Variants in ZFP91 observed in about 807,000 individuals in gnomAD.
ZFP91 encodes the protein ZFP91 zinc finger protein, atypical E3 ubiquitin ligase.
ZFP91 carries 7 observed loss-of-function variants against 63.5 expected under a neutral mutation model. That is an observed-to-expected ratio of 0.11 (90% CI 0.06 to 0.21). The LOEUF (loss-of-function observed/expected upper bound fraction) is 0.21. Ranked by LOEUF, ZFP91 falls within the 10% of genes least tolerant of loss-of-function variation. The pLI is 1.00. For missense variants in ZFP91, 628 were observed against 736.6 expected, an observed-to-expected ratio of 0.85 and a Z score of 1.71; for synonymous variants, 330 against 272.1, an observed-to-expected ratio of 1.21 and a Z score of -2.10.
Position 58,618,495 on chromosome 11 carries a change from A to G in ZFP91, c.*789A>G, listed in dbSNP as rs994827036. Reference sequence around the variant, plus strand: ...GAGACGATGAGAAAAGTCCCAGGCTAATGGCAGAAATTTGCACTTTGAACA... The same window carrying G: ...GAGACGATGAGAAAAGTCCCAGGCTGATGGCAGAAATTTGCACTTTGAACA... On this transcript the variant is annotated 3_prime_UTR_variant, in exon 11 of 11. Coordinates refer to ENST00000316059, the MANE Select transcript of ZFP91 (RefSeq NM_053023.5). 1 of 371,044 alleles carries G rather than the reference A, an allele frequency of 2.7e-6. No homozygotes were observed. The highest frequency in any genetic ancestry group is 2.1e-5 in the South Asian group (1 of 47,464). The allele number at this position is 371,044 out of a possible 1,614,324, so 23.0% of individuals were successfully genotyped here.
At chr11:58,606,866 A>G (rs909204102) in intron 2 of ZFP91, among the ~76,000 whole-genome samples, 18 of 152,010 alleles carry the variant, frequency 1.2e-4, no homozygotes, top group African/African-American at 3.9e-4. Context: ...CACAAAGTTG[A>G]TTCTGACAGT....
rs1855662082 is a variant in ZFP91 at position 58,611,519 on chromosome 11, G to T, written c.723-85G>T. 6 of 1,487,396 alleles carry T rather than the reference G, an allele frequency of 4.0e-6. No individual in the cohort carries two copies. In the African/African-American group the frequency reaches 5.6e-5, roughly 14 times the overall value. The allele number at this position is 1,487,396 out of a possible 1,614,324, so 92.1% of individuals were successfully genotyped here. On this transcript the variant is annotated intron_variant, in intron 5 of 10. Coordinates refer to ENST00000316059, the MANE Select transcript of ZFP91 (RefSeq NM_053023.5). Reference sequence around the variant, plus strand: ...AGGAAGGTAGTTTTATAACAAATCAGTGATAACTCTAAGCTTTAATTTGTT... The same window carrying T: ...AGGAAGGTAGTTTTATAACAAATCATTGATAACTCTAAGCTTTAATTTGTT...
At chr11:58,611,472 G>A in intron 5 of ZFP91, 132 bp from the exon 6 acceptor site, 1 of 1,196,566 alleles carries the variant, frequency 8.4e-7, no homozygotes, top group African/African-American at 1.5e-5. Context: ...ATGATTGGTA[G>A]GAAATCACAT....
At chr11:58,614,147 G>A in intron 8 of ZFP91, 82 bp from the exon 9 acceptor site, 4 of 821,488 alleles carry the variant, frequency 4.9e-6, no homozygotes, top group Non-Finnish European at 7.5e-6. Context: ...TTTTCCTTCA[G>A]TACTTTTGAC....
In ZFP91 at chr11:58,617,098, GTA is replaced by G. The variant is rs1554959270; in HGVS notation, c.1203-96_1203-95del. The stretch of plus-strand genomic sequence containing the variant: ...TGTGTGTGTGTGTGTGTGTGTGTGT[GTA>G]TGTATATATATGCTCTAAACTCTAA... On this transcript the variant is annotated intron_variant, in intron 10 of 10. Coordinates refer to ENST00000316059, the MANE Select transcript of ZFP91 (RefSeq NM_053023.5). This position sits in a 1 kb window ranked among gnomAD's most constrained non-coding sequence, Gnocchi z 4.2. 28 of 987,178 alleles carry G rather than the reference GTA, an allele frequency of 2.8e-5. No individual in the cohort carries two copies. Among genetic ancestry groups the G allele is most frequent in the Admixed American group, 1.3e-4 (5 of 39,000 alleles). The allele number at this position is 987,178 out of a possible 1,614,324, so 61.2% of individuals were successfully genotyped here.
At chr11:58,583,328 A>G (rs1165488506) in intron 1 of ZFP91, among the ~76,000 whole-genome samples, 1 of 152,236 alleles carries the variant, frequency 6.6e-6, no homozygotes, top group African/African-American at 2.4e-5. Context: ...GTATTTTTAG[A>G]TGTCTTCCTT....
chr11:58,585,303 TC>T (rs1855187106), intron 2 of ZFP91, among the ~76,000 whole-genome samples: 1 of 152,168 alleles, frequency 6.6e-6, no homozygotes, highest in African/African-American at 2.4e-5. Context: ...TAGGTCATTT[TC>T]CTTTAAGTTT....
chr11:58,596,602 A>G (rs187376623), intron 2 of ZFP91, among the ~76,000 whole-genome samples: 5 of 151,756 alleles, frequency 3.3e-5, no homozygotes, highest in African/African-American at 1.2e-4. Context: ...CATCTTCATC[A>G]TGTCATCTTG....
intron 1 of ZFP91, among the ~76,000 whole-genome samples, chr11:58,580,071 A>ATG (rs1168708133): frequency 6.7e-6 from 1 of 149,072 alleles, no homozygotes; most frequent in African/African-American, 2.5e-5. Context: ...CAAGAGCCAG[A>ATG]TGTACTAGTG....
chr11:58,584,912 C>T (rs777546528), intron 2 of ZFP91, 28 bp downstream of exon 2: 45 of 1,479,664 alleles, frequency 3.0e-5, no homozygotes, highest in South Asian at 2.7e-4. Flanking sequence ...TTACCTCTAG[C>T]GTACATTACA....
chr11:58,593,494 T>C (rs952039633), intron 2 of ZFP91, among the ~76,000 whole-genome samples: 5 of 152,218 alleles, frequency 3.3e-5, no homozygotes, highest in Admixed American at 2.0e-4. Context: ...GTTTTTAATA[T>C]ATTTTTTAAT....
Position 58,609,933 on chromosome 11 carries a change from T to A in ZFP91, c.474T>A (p.Ser158=). Residue 158 remains serine, a synonymous_variant, in exon 3 of 11, where the codon TCT becomes TCA. Transcript: ENST00000316059. ...GGGGCTGGCGTAGTAGTAGGACATC[T>A]GTTTCTCGCCATCGTGATACAGAGA... ...PSRGWRSSRT[S]VSRHRDTENT... is the part of the protein sequence containing the mutation. The A allele has an allele frequency of 6.2e-7, 1 of 1,614,226 alleles. No homozygotes were observed. Among genetic ancestry groups the A allele is most frequent in the Non-Finnish European group, 8.5e-7 (1 of 1,180,034 alleles).
In ZFP91 at chr11:58,579,325, AC is replaced by A; in HGVS notation, c.46del (p.Gln16ArgfsTer35). 6.7e-7 allele frequency: 1 copy of A among 1,493,986 alleles called. No individual in the cohort carries two copies. The highest frequency in any genetic ancestry group is 2.3e-5 in the Admixed American group (1 of 43,254). 92.5% of individuals were successfully genotyped at this position (1,493,986 alleles called of 1,614,324 possible). On this transcript the variant is annotated frameshift_variant, in exon 1 of 11. Coordinates refer to ENST00000316059, the MANE Select transcript of ZFP91 (RefSeq NM_053023.5). LOFTEE classifies it high-confidence loss of function. ...GAGCCGAGACCCCCGGAGCAGCAGG[AC>A]CAGGAAGGGGGAGAGGCGGCCAAGG... ...TEEPRPPEQQ[D>X]QEGGEAAKAA...
At chr11:58,588,634 C>T (rs1251303097) in intron 2 of ZFP91, among the ~76,000 whole-genome samples, 2 of 152,118 alleles carry the variant, frequency 1.3e-5, no homozygotes, top group African/African-American at 2.4e-5. Context: ...GTATCCCATT[C>T]ATCTTGGCCT....
intron 2 of ZFP91, among the ~76,000 whole-genome samples, chr11:58,599,641 G>A (rs1472738598): frequency 1.3e-5 from 2 of 151,738 alleles, no homozygotes; most frequent in East Asian, 3.9e-4. Context: ...GTATATCTCT[G>A]GAGAAATAAT....
Position 58,609,890 on chromosome 11 carries a change from C to T in ZFP91, c.431C>T (p.Ala144Val). 1 of 1,614,194 alleles carries T rather than the reference C, an allele frequency of 6.2e-7. No homozygotes were observed. ...DSALPQEVSIAASRPSRGWRS... is the reference protein window; with the variant it reads ...DSALPQEVSIVASRPSRGWRS... ...GCCCTCCCTCAGGAAGTTTCCATTG[C>T]TGCATCTAGACCTAGCCGGGGCTGG... The change falls in exon 3 of 11, where the codon GCT becomes GTT. Residue 144 changes from alanine to valine, a missense_variant. Around this residue, in one of 3 missense-constraint regions of ZFP91, gnomAD observed 437 missense variants for 380.3 expected, o/e 1.15. Transcript: ENST00000316059.
At chr11:58,616,582 C>T (rs1400908151) in intron 9 of ZFP91, 134 bp from the exon 10 acceptor site, 10 of 490,240 alleles carry the variant, frequency 2.0e-5, no homozygotes, top group Non-Finnish European at 3.1e-5. Flanking sequence ...TTTTGTTTAC[C>T]CAAAGTGTTT....
At chr11:58,593,612 A>G (rs1057019245) in intron 2 of ZFP91, among the ~76,000 whole-genome samples, 1 of 152,244 alleles carries the variant, frequency 6.6e-6, no homozygotes, top group Non-Finnish European at 1.5e-5. Context: ...TATATGAACC[A>G]AGCTAAATCT....
chr11:58,579,436 G>T lies in ZFP91; in HGVS notation c.155G>T (p.Gly52Val), dbSNP rs1420171697. Residue 52 changes from glycine to valine, a missense_variant, in exon 1 of 11, where the codon GGA becomes GTA. This residue lies in a region of ZFP91 where 437 missense variants were observed against 380.3 expected (regional missense o/e 1.15). Transcript: ENST00000316059. ...ACCACTAGCAGCCGCGTGCTGAGGG[G>T]AGGTCGGGACCGAGGCCGGGCCGCT... ...AGTTSSRVLR[G>V]GRDRGRAAAA... is the part of the protein sequence containing the mutation. The T allele has an allele frequency of 1.4e-5, 20 of 1,447,040 alleles. No individual in the cohort carries two copies. The highest frequency in any genetic ancestry group is 1.4e-5 in the Non-Finnish European group (16 of 1,108,820). The allele number at this position is 1,447,040 out of a possible 1,614,324, so 89.6% of individuals were successfully genotyped here.
Sources: allele counts gnomAD v4.1 joint callset (sites outside exome capture counted in the v4.1 genomes callset), GRCh38; gene constraint gnomAD v4.1.1; regional missense constraint gnomAD v4.1.1; non-coding constraint Gnocchi (gnomAD v3.1); transcripts MANE v1.5; gene names NCBI Gene and HGNC (gene_info 2026-07-23, HGNC 2026-07-21).